The following NDUFAF6 variants were observed in gnomAD, a reference collection of about 807,000 sequenced individuals.
NDUFAF6 encodes the protein NADH:ubiquinone oxidoreductase complex assembly factor 6.
In NDUFAF6, 45 loss-of-function variants were observed where a neutral mutation model predicts 40.8. The ratio of observed to expected loss-of-function variants is 1.10; its 90% CI spans 0.87 to 1.42. The LOEUF (loss-of-function observed/expected upper bound fraction) is 1.42, where lower values mean the gene tolerates loss of function less well. Ranked by LOEUF, NDUFAF6 falls within the 40% of genes most tolerant of loss-of-function variation. The probability of loss-of-function intolerance (pLI) is 0.00; values close to 1 mark genes in which losing one functional copy is unlikely to be tolerated. For synonymous variants in NDUFAF6, 185 were observed against 155.9 expected (o/e 1.19, Z -1.39); for missense variants, 435 against 418.5 (o/e 1.04, Z -0.34).
chr8:95,053,128 C>T (rs1831630755), intron 8 of NDUFAF6, among the ~76,000 whole-genome samples: 1 of 152,220 alleles, frequency 6.6e-6, no homozygotes, highest in African/African-American at 2.4e-5. Flanking sequence ...TTCACACCCT[C>T]TGTCTTAGTG....
chr8:94,935,999 G>A (rs1820939108), intron 1 of NDUFAF6, among the ~76,000 whole-genome samples: 1 of 152,154 alleles, frequency 6.6e-6, no homozygotes, highest in Non-Finnish European at 1.5e-5. Context: ...AGCTGGAGTG[G>A]TGGTAGGGAC....
At chr8:95,096,168 G>A (rs1289287901), upstream of NDUFAF6, among the ~76,000 whole-genome samples, 1 of 152,166 alleles carries the variant, frequency 6.6e-6, no homozygotes, top group East Asian at 1.9e-4. Flanking sequence ...CAGGATGCAA[G>A]GGTTCCCTTT....
chr8:94,904,281 C>T (rs1818227699), intron 1 of NDUFAF6, among the ~76,000 whole-genome samples: 1 of 136,862 alleles, frequency 7.3e-6, no homozygotes, highest in Admixed American at 7.7e-5. Context: ...GTAGCTGGGA[C>T]TACAGGCACC....
intron 2 of NDUFAF6, among the ~76,000 whole-genome samples, chr8:94,989,998 G>A (rs1204495780): frequency 6.6e-6 from 1 of 152,170 alleles, no homozygotes; most frequent in African/African-American, 2.4e-5. Flanking sequence ...TCAAAGTGCT[G>A]GGATTACAGG....
At chr8:95,101,118 T>G (rs1447485554) in intron 1 of NDUFAF6, 1 of 152,214 alleles carries the variant, frequency 6.6e-6, no homozygotes, top group Non-Finnish European at 1.5e-5. Context: ...TGCAATACAT[T>G]GTGTTCTTAA....
At chr8:95,035,726 A>G in intron 3 of NDUFAF6, 150 bp downstream of exon 3, 1 of 779,248 alleles carries the variant, frequency 1.3e-6, no homozygotes, top group Non-Finnish European at 2.0e-6. Flanking sequence ...TAGTTTTGGC[A>G]CAGAAATTTA....
rs1462719546 is a variant in NDUFAF6, at chr8:95,036,218, T to C, written c.420+642T>C. 12 of 1,121,782 alleles carry C rather than the reference T, an allele frequency of 1.1e-5. No homozygotes were observed. In the East Asian group the frequency reaches 5.4e-4, roughly 50 times the overall value. The allele number at this position is 1,121,782 out of a possible 1,614,324, so 69.5% of individuals were successfully genotyped here. On this transcript the variant is annotated intron_variant, in intron 3 of 8. Coordinates refer to ENST00000396124, the MANE Select transcript of NDUFAF6 (RefSeq NM_152416.4). ...TCCCTCACTCATAAGCAGCCACACATGGCTTAGAAATATTCTAAACTATGA... is the reference window on the plus strand; with the variant it reads ...TCCCTCACTCATAAGCAGCCACACACGGCTTAGAAATATTCTAAACTATGA...
intron 1 of NDUFAF6, among the ~76,000 whole-genome samples, chr8:94,897,605 C>T (rs1324891525): frequency 1.3e-5 from 2 of 151,444 alleles, no homozygotes; most frequent in Admixed American, 6.6e-5. Context: ...TTGATTGCTC[C>T]GACATTCATT....
chr8:95,046,938 A>G (rs1830836630), intron 5 of NDUFAF6, 56 bp from the exon 6 acceptor site: 4 of 1,607,822 alleles, frequency 2.5e-6, no homozygotes, highest in African/African-American at 1.3e-5. Flanking sequence ...TGCTATTTCT[A>G]TTGATTTATT....
downstream of NDUFAF6, among the ~76,000 whole-genome samples, chr8:95,106,595 C>A (rs1809850001): frequency 2.0e-5 from 3 of 152,098 alleles, no homozygotes; most frequent in African/African-American, 7.2e-5. Context: ...AACGAAAACA[C>A]CAAAAGCAAT....
chr8:94,969,989 G>T (rs534216187), intron 1 of NDUFAF6, among the ~76,000 whole-genome samples: 29 of 152,284 alleles, frequency 1.9e-4, no homozygotes, highest in Admixed American at 5.2e-4. Flanking sequence ...GGGCACAGTG[G>T]CTGATGCCTG....
At chr8:94,919,524 G>C (rs1028386200) in intron 1 of NDUFAF6, among the ~76,000 whole-genome samples, 1 of 152,148 alleles carries the variant, frequency 6.6e-6, no homozygotes, top group African/African-American at 2.4e-5. Context: ...ATTTTGTGCA[G>C]TTCCCATGAT....
downstream of NDUFAF6, among the ~76,000 whole-genome samples, chr8:95,061,349 T>C (rs151121964): frequency 2.5e-3 from 376 of 152,336 alleles, 2 homozygotes; most frequent in African/African-American, 8.8e-3. Context: ...TCTGAAGATA[T>C]TGGCTTAATC....
At chr8:94,949,925 C>T (rs1443196748) in intron 2 of NDUFAF6, 1 of 152,336 alleles carries the variant, frequency 6.6e-6, no homozygotes, top group African/African-American at 2.4e-5. Flanking sequence ...CGCTGCTGGG[C>T]CCCAGATAGA....
intron 6 of NDUFAF6, among the ~76,000 whole-genome samples, chr8:95,047,942 C>A (rs1379335275): frequency 3.9e-5 from 6 of 152,116 alleles, no homozygotes; most frequent in Non-Finnish European, 8.8e-5. Flanking sequence ...TGCGGTGACT[C>A]ATGCCTGTAA....
At chr8:94,937,286 C>T (rs1821071160) in intron 1 of NDUFAF6, among the ~76,000 whole-genome samples, 1 of 151,898 alleles carries the variant, frequency 6.6e-6, no homozygotes, top group Non-Finnish European at 1.5e-5. Context: ...ACTAAAAGTA[C>T]AAATATTACC....
intron 2 of NDUFAF6, among the ~76,000 whole-genome samples, chr8:95,088,793 C>G (rs1482258128): frequency 6.6e-6 from 1 of 151,608 alleles, no homozygotes; most frequent in Non-Finnish European, 1.5e-5. Flanking sequence ...CAGCGTCTCA[C>G]TTTGTCACCC....
At chr8:95,109,624 T>A (rs1809940298) in intron 4 of NDUFAF6, among the ~76,000 whole-genome samples, 1 of 151,426 alleles carries the variant, frequency 6.6e-6, no homozygotes, top group African/African-American at 2.4e-5. Context: ...AGAGAGACCT[T>A]CATGATGAAC....
At chr8:95,099,130 A>C (rs1255457438), upstream of NDUFAF6, among the ~76,000 whole-genome samples, 3 of 151,762 alleles carry the variant, frequency 2.0e-5, no homozygotes, top group Admixed American at 6.6e-5. Flanking sequence ...GTCCCAGCTA[A>C]TCTGGAGGCT....
Sources: allele counts gnomAD v4.1 joint callset (sites outside exome capture counted in the v4.1 genomes callset), GRCh38; gene constraint gnomAD v4.1.1; transcripts MANE v1.5; gene names NCBI Gene and HGNC (gene_info 2026-07-23, HGNC 2026-07-21).